Variants in FANCD2 observed in about 807,000 individuals in gnomAD.
FANCD2 encodes FA complementation group D2.
Under a neutral mutation model 192.3 loss-of-function variants are expected in FANCD2, and 131 were observed. That is an observed-to-expected ratio of 0.68 (90% CI 0.59 to 0.79). The LOEUF (loss-of-function observed/expected upper bound fraction) is 0.79. Among genes scored for constraint, FANCD2 ranks in the 30% least tolerant of loss-of-function variants. The pLI is 0.00. For synonymous variants in FANCD2, 524 were observed against 612.5 expected (o/e 0.86, Z 2.13); for missense variants, 1,508 against 1,701.6 (o/e 0.89, Z 2.00).
chr3:10,095,032 A>C, intron 40 of FANCD2, 168 bp from the exon 41 acceptor site: 1 of 655,360 alleles, frequency 1.5e-6, no homozygotes, highest in East Asian at 2.8e-5. Context: ...GTTGAGAATA[A>C]GAGGTAGCTG....
At chr3:10,090,154 C>G (rs1694499269) in intron 36 of FANCD2, 138 bp from the exon 37 acceptor site, 1 of 678,630 alleles carries the variant, frequency 1.5e-6, no homozygotes, top group Non-Finnish European at 2.7e-6. Flanking sequence ...TTCCGCTCCC[C>G]CATCCTCTTA....
In FANCD2 at chr3:10,042,601, G is replaced by T; in HGVS notation, c.826G>T (p.Glu276Ter). 1 of 1,614,014 alleles carries T rather than the reference G, an allele frequency of 6.2e-7. No homozygotes were observed. The highest frequency in any genetic ancestry group is 8.5e-7 in the Non-Finnish European group (1 of 1,179,990). The change falls in exon 11 of 44, where the codon GAG (glutamate) becomes TAG (stop). Residue 276 changes from glutamate to a stop codon, truncating the protein, a stop_gained. Transcript: ENST00000675286. LOFTEE classifies it high-confidence loss of function. ...VMDKLSSIRL[E>*]DLPVIIKFIL... is the part of the protein sequence containing the mutation. ...GGATAAGTTGTCGTCTATTAGATTG[G>T]AGGATTTACCTGTGATAATAAAGTT...
intron 9 of FANCD2, 168 bp from the exon 10 acceptor site, chr3:10,041,455 T>C (rs1219393615): frequency 5.2e-6 from 3 of 577,428 alleles, no homozygotes; most frequent in Non-Finnish European, 9.4e-6. Flanking sequence ...CATGTATTAT[T>C]TTTTGCAGTC....
intron 14 of FANCD2, among the ~76,000 whole-genome samples, chr3:10,044,264 C>T (rs1423024110): frequency 6.6e-6 from 1 of 152,182 alleles, no homozygotes; most frequent in African/African-American, 2.4e-5. Context: ...CCATGTTTTA[C>T]TTTACTTTGC....
chr3:10,088,651 T>C lies in FANCD2; in HGVS notation c.3560+109T>C, dbSNP rs547204364. The C allele has an allele frequency of 3.8e-5, 41 of 1,078,164 alleles. 1 individual carries two copies. In the South Asian group the frequency reaches 5.2e-4, roughly 14 times the overall value. 66.8% of individuals were successfully genotyped at this position (1,078,164 alleles called of 1,614,324 possible). The stretch of plus-strand genomic sequence containing the variant: ...CTTTTTAGTGGGAATTTGAAAACAA[T>C]GAAGTAGGTTAAAAATGAACACAAT... On this transcript the variant is annotated intron_variant, in intron 35 of 43. Transcript: ENST00000675286.
chr3:10,034,548 T>C lies in FANCD2; in HGVS notation c.273+12T>C. The C allele has an allele frequency of 6.2e-7, 1 of 1,604,792 alleles. No homozygotes were observed. The highest frequency in any genetic ancestry group is 1.1e-5 in the South Asian group (1 of 90,906). On this transcript the variant is annotated intron_variant, in intron 4 of 43. Transcript: ENST00000675286. ...CTTCCTATCCCAAAGTATGTATTTTTCCCCTGGTATTTTTGCTTGTGCCAG... is the reference window on the plus strand; with the variant it reads ...CTTCCTATCCCAAAGTATGTATTTTCCCCCTGGTATTTTTGCTTGTGCCAG...
intron 25 of FANCD2, 114 bp from the exon 26 acceptor site, chr3:10,067,095 A>G (rs1438564305): frequency 1.3e-6 from 1 of 756,778 alleles, no homozygotes; most frequent in African/African-American, 1.7e-5. Context: ...TCTATTACAG[A>G]CTAAACTCAA....
chr3:10,057,967 C>G, intron 18 of FANCD2: 1 of 371,640 alleles, frequency 2.7e-6, no homozygotes, highest in Non-Finnish European at 5.4e-6. Flanking sequence ...AGGCAGTGAC[C>G]AATTATTACT....
chr3:10,098,967 A>G (rs762604718), intron 43 of FANCD2, 152 bp downstream of exon 43: 2 of 1,614,084 alleles, frequency 1.2e-6, no homozygotes, highest in Middle Eastern at 1.6e-4. Flanking sequence ...CTGTGCTTAT[A>G]TAATTTTTGG....
chr3:10,098,625 T>C (rs34309598), intron 42 of FANCD2, 95 bp from the exon 43 acceptor site: 18 of 1,474,788 alleles, frequency 1.2e-5, no homozygotes, highest in Non-Finnish European at 1.5e-5. Flanking sequence ...GGCTAAAATA[T>C]CTTCCTTTGT....
At chr3:10,099,444 A>G in intron 43 of FANCD2, 1 of 549,296 alleles carries the variant, frequency 1.8e-6, no homozygotes, top group African/African-American at 2.0e-5. Context: ...ACAACATAAC[A>G]AGACCCTATC....
intron 18 of FANCD2, among the ~76,000 whole-genome samples, chr3:10,056,418 A>G (rs183923226): frequency 6.6e-6 from 1 of 152,316 alleles, no homozygotes; most frequent in African/African-American, 2.4e-5. Context: ...TAGCAGCTGC[A>G]TAATTTTACA....
intron 29 of FANCD2, among the ~76,000 whole-genome samples, chr3:10,076,426 C>G (rs1383640285): frequency 6.6e-6 from 1 of 152,110 alleles, no homozygotes; most frequent in Non-Finnish European, 1.5e-5. Context: ...TCTAAACTAT[C>G]CTGTCTTGAA....
chr3:10,054,369 G>GTATA (rs1559383039), intron 18 of FANCD2, among the ~76,000 whole-genome samples: 2 of 77,838 alleles, frequency 2.6e-5, no homozygotes, highest in Non-Finnish European at 4.4e-5. Context: ...ATATATATAC[G>GTATA]TGTATATACA....
In FANCD2 at chr3:10,095,186, CTTATTGG is replaced by C. The variant is rs768603657; in HGVS notation, c.3964-9_3964-3del. On this transcript the variant is annotated splice_region_variant and splice_polypyrimidine_tract_variant and intron_variant, in intron 40 of 43. Transcript: ENST00000675286. ...GGACATTTCATAGAGCATTTATAAA[CTTATTGG>C]TTATAGGAAGATGTTCTGAGCTTAC... 2.5e-6 allele frequency: 4 copies of C among 1,606,662 alleles called. 1 individual carries two copies. The South Asian group carries it at 4.4e-5, about 18-fold the overall frequency.
intron 7 of FANCD2, among the ~76,000 whole-genome samples, chr3:10,036,762 T>C (rs957798210): frequency 2.6e-5 from 4 of 151,988 alleles, no homozygotes; most frequent in Admixed American, 1.3e-4. Context: ...ATACTGGTAA[T>C]GGTAGTTGTC....
At chr3:10,064,944 G>T (rs545598171) in intron 23 of FANCD2, 69 bp downstream of exon 23, 6 of 1,547,482 alleles carry the variant, frequency 3.9e-6, no homozygotes, top group African/African-American at 2.7e-5. Flanking sequence ...CACAGCTCTT[G>T]GTGGGGAAGT....
chr3:10,091,016 G>A (rs1464570218), intron 37 of FANCD2, among the ~76,000 whole-genome samples: 1 of 151,926 alleles, frequency 6.6e-6, no homozygotes, highest in Non-Finnish European at 1.5e-5. Context: ...CCAGAACGGA[G>A]CTAGACAAGT....
chr3:10,050,538 G>C (rs2087168232), intron 17 of FANCD2, among the ~76,000 whole-genome samples: 1 of 149,952 alleles, frequency 6.7e-6, no homozygotes. Context: ...CAGGAGAATG[G>C]CGTGAACCCA....
Sources: allele counts gnomAD v4.1 joint callset (sites outside exome capture counted in the v4.1 genomes callset), GRCh38; gene constraint gnomAD v4.1.1; transcripts MANE v1.5; gene names NCBI Gene and HGNC (gene_info 2026-07-23, HGNC 2026-07-21).